RALYL: variants seen among roughly 807,000 people sequenced by gnomAD.
RALYL encodes the protein RNA-binding Raly-like protein.
RALYL carries 29 observed loss-of-function variants against 35.1 expected under a neutral mutation model. The observed-to-expected ratio is 0.83, with a 90% CI of 0.61 to 1.13. The LOEUF (loss-of-function observed/expected upper bound fraction) is 1.13, where lower values mean the gene tolerates loss of function less well. RALYL is among the 50% of genes most tolerant of loss of function. The pLI is 0.00. For synonymous variants in RALYL, 120 were observed against 127.6 expected (o/e 0.94, Z 0.40); for missense variants, 359 against 360.4 (o/e 1.00, Z 0.03).
intron 1 of RALYL, among the ~76,000 whole-genome samples, chr8:84,427,116 A>T (rs1053327740): frequency 1.3e-5 from 2 of 152,348 alleles, no homozygotes; most frequent in South Asian, 2.1e-4. Context: ...TTATTTTCTA[A>T]GACAAAATTT....
At chr8:84,379,775 G>T (rs1022633077) in intron 1 of RALYL, among the ~76,000 whole-genome samples, 3 of 151,420 alleles carry the variant, frequency 2.0e-5, no homozygotes, top group Middle Eastern at 3.2e-3. Context: ...ATAAATGCGG[G>T]CAGGAATTGA....
chr8:84,415,788 T>C (rs1469900319), intron 1 of RALYL, among the ~76,000 whole-genome samples: 1 of 152,238 alleles, frequency 6.6e-6, no homozygotes, highest in Non-Finnish European at 1.5e-5. Flanking sequence ...TATATGTGTA[T>C]ATTTATGTAC....
intron 4 of RALYL, among the ~76,000 whole-genome samples, chr8:84,831,865 T>C (rs1013155648): frequency 3.3e-5 from 5 of 152,146 alleles, no homozygotes; most frequent in Admixed American, 1.3e-4. Context: ...TTTGCTTCTA[T>C]AATATTTGTA....
chr8:84,850,314 C>T (rs1319634254), intron 5 of RALYL, among the ~76,000 whole-genome samples: 1 of 152,022 alleles, frequency 6.6e-6, no homozygotes, highest in Non-Finnish European at 1.5e-5. Context: ...TATTATCTGC[C>T]AAGTCATTTG....
At chr8:84,548,359 C>G (rs1244996542) in intron 2 of RALYL, among the ~76,000 whole-genome samples, 2 of 152,094 alleles carry the variant, frequency 1.3e-5, no homozygotes, top group African/African-American at 2.4e-5. Flanking sequence ...TTTTTCTCCA[C>G]TCATGTCATT....
chr8:84,646,044 C>T (rs891321651), intron 2 of RALYL, among the ~76,000 whole-genome samples: 1 of 151,862 alleles, frequency 6.6e-6, no homozygotes, highest in African/African-American at 2.4e-5. Context: ...GTTTCCTTGA[C>T]CTATAGTTTT....
In RALYL at chr8:84,251,565, A is replaced by G. The variant is rs78769646; in HGVS notation, c.-24+67141A>G. ...TACTAAACAAACACACCCATTAAAA[A>G]ACATTCCACTTTGTCTGAAATTGAT... On this transcript the variant is annotated intron_variant, in intron 1 of 8. Transcript: ENST00000521268. 8.5e-3 allele frequency among the ~76,000 whole-genome samples: 1,292 copies of G among 152,234 alleles called. 9 individuals carry two copies. The highest frequency in any genetic ancestry group is 0.03 in the African/African-American group (1,234 of 41,558).
intron 4 of RALYL, among the ~76,000 whole-genome samples, chr8:84,836,131 A>C (rs1831973695): frequency 6.6e-6 from 1 of 152,182 alleles, no homozygotes; most frequent in Non-Finnish European, 1.5e-5. Context: ...ATAATTCCAA[A>C]ATCAGAAACC....
intron 2 of RALYL, among the ~76,000 whole-genome samples, chr8:84,694,380 A>G (rs1838711546): frequency 6.6e-6 from 1 of 151,954 alleles, no homozygotes; most frequent in Non-Finnish European, 1.5e-5. Flanking sequence ...CATAAAAAAT[A>G]TATTCATGAG....
intron 2 of RALYL, among the ~76,000 whole-genome samples, chr8:84,591,523 G>T (rs144777851): frequency 2.6e-5 from 4 of 152,230 alleles, no homozygotes; most frequent in African/African-American, 9.6e-5. Context: ...TTAAATAACA[G>T]ATAGTAAGCA....
intron 1 of RALYL, among the ~76,000 whole-genome samples, chr8:84,505,256 A>G (rs541937154): frequency 2.6e-5 from 4 of 152,148 alleles, no homozygotes; most frequent in African/African-American, 9.6e-5. Context: ...TTCCAGAAAC[A>G]TTTTCCTTAT....
chr8:84,515,641 T>A (rs2058001368), intron 1 of RALYL, among the ~76,000 whole-genome samples: 1 of 152,204 alleles, frequency 6.6e-6, no homozygotes, highest in South Asian at 2.1e-4. Context: ...CTCTTCTATT[T>A]GATTTAGATT....
chr8:84,682,417 A>C (rs1260741420), intron 2 of RALYL, among the ~76,000 whole-genome samples: 1 of 152,190 alleles, frequency 6.6e-6, no homozygotes, highest in Non-Finnish European at 1.5e-5. Context: ...AAGGAATGGT[A>C]CTAGCTTTTC....
chr8:84,214,798 C>T (rs73295637), intron 1 of RALYL, among the ~76,000 whole-genome samples: 2,896 of 152,096 alleles, frequency 0.019, 108 homozygotes, highest in African/African-American at 0.066. Flanking sequence ...TGCCAAACAA[C>T]AGAGTAATTT....
intron 1 of RALYL, among the ~76,000 whole-genome samples, chr8:84,367,698 C>A (rs1339323035): frequency 6.6e-6 from 1 of 152,034 alleles, no homozygotes; most frequent in African/African-American, 2.4e-5. Flanking sequence ...CCATACTTTT[C>A]TTCCATTAAG....
chr8:84,433,593 C>T (rs1171753197), intron 1 of RALYL, among the ~76,000 whole-genome samples: 9 of 152,012 alleles, frequency 5.9e-5, no homozygotes, highest in African/African-American at 1.2e-4. Flanking sequence ...ATAGGTCTCA[C>T]GAGATCTGTT....
chr8:84,707,941 GA>G (rs752946435), intron 2 of RALYL, among the ~76,000 whole-genome samples: 3 of 151,980 alleles, frequency 2.0e-5, no homozygotes, highest in Non-Finnish European at 2.9e-5. Context: ...GTGGGTTTTT[GA>G]TCATATAAAA....
intron 1 of RALYL, among the ~76,000 whole-genome samples, chr8:84,289,318 G>C (rs1390218942): frequency 6.6e-6 from 1 of 152,094 alleles, no homozygotes; most frequent in African/African-American, 2.4e-5. Context: ...ATTTACTATT[G>C]CAAGTTTTTT....
intron 1 of RALYL, among the ~76,000 whole-genome samples, chr8:84,386,860 A>T (rs1423174517): frequency 6.6e-6 from 1 of 151,840 alleles, no homozygotes; most frequent in Non-Finnish European, 1.5e-5. Flanking sequence ...CTTCCTCTGA[A>T]AATGTTGCCT....
Sources: allele counts gnomAD v4.1 joint callset (sites outside exome capture counted in the v4.1 genomes callset), GRCh38; gene constraint gnomAD v4.1.1; transcripts MANE v1.5; gene names NCBI Gene and HGNC (gene_info 2026-07-23, HGNC 2026-07-21).